MDFIC: variants seen among roughly 807,000 people sequenced by gnomAD.
MDFIC encodes myoD family inhibitor domain-containing protein.
MDFIC carries 17 observed loss-of-function variants against 23.2 expected under a neutral mutation model. The observed-to-expected ratio is 0.73, with a 90% CI of 0.50 to 1.10. MDFIC has a LOEUF of 1.10. MDFIC is among the 50% of genes least tolerant of loss of function. MDFIC has a pLI of 0.00. For missense variants in MDFIC, 356 were observed against 316.6 expected (o/e 1.12, Z -0.95); for synonymous variants, 120 against 115.2 (o/e 1.04, Z -0.27).
intron 4 of MDFIC, among the ~76,000 whole-genome samples, chr7:114,996,464 A>C (rs779406250): frequency 2.6e-5 from 4 of 152,204 alleles, no homozygotes; most frequent in Non-Finnish European, 4.4e-5. Context: ...GGTTTGGTTC[A>C]TGGAGGAAGG....
At chr7:114,941,365 C>G (rs1585095572) in intron 2 of MDFIC, among the ~76,000 whole-genome samples, 1 of 152,196 alleles carries the variant, frequency 6.6e-6, no homozygotes, top group Admixed American at 6.5e-5. Flanking sequence ...CAAACCTTCG[C>G]AGTCTTCTGT....
At position 115,016,129 on chromosome 7, in the gene MDFIC, T is replaced by TAAG. The variant is rs1791790343; in HGVS notation, c.*194_*195insAAG. ...TTTAATATGTGAAATTTTAACTACT[T>TAAG]TAACTAGTTTTATAAATTTCTTAAT... is the stretch of plus-strand genomic sequence containing the variant. On this transcript the variant is annotated 3_prime_UTR_variant, in exon 5 of 5. Coordinates refer to ENST00000393486, the MANE Select transcript of MDFIC (RefSeq NM_001166345.3). 1.8e-6 allele frequency: 1 copy of TAAG among 555,554 alleles called. No individual in the cohort carries two copies. Among genetic ancestry groups the TAAG allele is most frequent in the African/African-American group, 1.9e-5 (1 of 53,016 alleles). 34.4% of individuals were successfully genotyped at this position (555,554 alleles called of 1,614,324 possible).
chr7:114,969,550 T>C (rs1460984718), intron 3 of MDFIC, among the ~76,000 whole-genome samples: 2 of 152,190 alleles, frequency 1.3e-5, no homozygotes, highest in African/African-American at 4.8e-5. Flanking sequence ...TAAAATGTAT[T>C]CTATTAAAAA....
intron 4 of MDFIC, among the ~76,000 whole-genome samples, chr7:114,999,920 T>G (rs1043809710): frequency 6.6e-5 from 10 of 152,192 alleles, no homozygotes; most frequent in Non-Finnish European, 1.3e-4. Flanking sequence ...GTTGATGACA[T>G]TTTCATATAT....
At chr7:114,992,978 T>C (rs1791215080) in intron 4 of MDFIC, among the ~76,000 whole-genome samples, 1 of 152,186 alleles carries the variant, frequency 6.6e-6, no homozygotes, top group Admixed American at 6.5e-5. Flanking sequence ...ATCCGTCTGG[T>C]CCTGGACTTT....
In MDFIC at chr7:115,016,009, G is replaced by C. The variant is rs955308423; in HGVS notation, c.*74G>C. 3.5e-6 allele frequency: 5 copies of C among 1,422,408 alleles called. No individual in the cohort carries two copies. Among genetic ancestry groups the C allele is most frequent in the Non-Finnish European group, 4.8e-6 (5 of 1,046,158 alleles). The allele number at this position is 1,422,408 out of a possible 1,614,324, so 88.1% of individuals were successfully genotyped here. On this transcript the variant is annotated 3_prime_UTR_variant, in exon 5 of 5. Transcript: ENST00000393486. ...CTTTTGGGGGGAAGAAAAGCACATT[G>C]TAAGATTCTCATGAAACAACATGGA...
At chr7:114,923,579 C>G in intron 2 of MDFIC, 3 of 1,528,098 alleles carry the variant, frequency 2.0e-6, no homozygotes, top group Non-Finnish European at 2.6e-6. Flanking sequence ...GTTTCTGTGA[C>G]CAGTAGCTTT....
chr7:115,013,963 G>C (rs1791737984), intron 4 of MDFIC: 1 of 984,078 alleles, frequency 1.0e-6, no homozygotes, highest in African/African-American at 1.7e-5. Context: ...CTCTGTTTTT[G>C]TTTTTGTTTT....
At chr7:114,941,898 C>G (rs892969276) in intron 2 of MDFIC, among the ~76,000 whole-genome samples, 2 of 152,172 alleles carry the variant, frequency 1.3e-5, no homozygotes, top group African/African-American at 2.4e-5. Flanking sequence ...CTCATCAGAG[C>G]TTCTTCTCTT....
chr7:114,987,292 C>A (rs78799119), intron 4 of MDFIC, among the ~76,000 whole-genome samples: 1 of 152,022 alleles, frequency 6.6e-6, no homozygotes, highest in African/African-American at 2.4e-5. Context: ...ATTGTAAAAT[C>A]TTACATTAAT....
chr7:114,945,933 A>G (rs904385812), intron 3 of MDFIC, among the ~76,000 whole-genome samples: 2 of 152,222 alleles, frequency 1.3e-5, no homozygotes, highest in African/African-American at 2.4e-5. Flanking sequence ...TTTGGAATTT[A>G]TAAGAGCACC....
chr7:114,979,779 A>C lies in MDFIC; in HGVS notation c.491A>C (p.Glu164Ala). 1 of 1,612,920 alleles carries C rather than the reference A, an allele frequency of 6.2e-7. No individual in the cohort carries two copies. Reference sequence around the variant, plus strand: ...TCCCAAAAGACAGGCTCTTCACCTGAAGGTAAGTTTGAGATATATGTAGAT... The same window carrying C: ...TCCCAAAAGACAGGCTCTTCACCTGCAGGTAAGTTTGAGATATATGTAGAT... ...VFSQKTGSSP[E>A]DCCVHCILAC... The change falls in exon 4 of 5, where the codon GAA becomes GCA. Residue 164 changes from glutamate (E) to alanine (A), a missense_variant and splice_region_variant. Transcript: ENST00000393486.
intron 2 of MDFIC, among the ~76,000 whole-genome samples, chr7:114,925,312 T>G (rs1792168229): frequency 1.3e-5 from 2 of 152,166 alleles, no homozygotes; most frequent in African/African-American, 4.8e-5. Flanking sequence ...AAAGTAATTT[T>G]GGGGATTCTC....
chr7:115,017,527 A>G lies in MDFIC; in HGVS notation c.*1592A>G, dbSNP rs1791818219. ...TCTTTTCAATGCAGAAGAAATCTAG[A>G]TATCCCCTACTGTGACCAAATTTCT... On this transcript the variant is annotated 3_prime_UTR_variant, in exon 5 of 5. Coordinates refer to ENST00000393486, the MANE Select transcript of MDFIC (RefSeq NM_001166345.3). 6.6e-6 allele frequency: 1 copy of G among 152,330 alleles called. No homozygotes were observed. Among genetic ancestry groups the G allele is most frequent in the Non-Finnish European group, 1.5e-5 (1 of 67,900 alleles). 9.4% of individuals were successfully genotyped at this position (152,330 alleles called of 1,614,324 possible). A position where few individuals can be genotyped will look rare whatever the true frequency, so the allele number is the denominator to read the frequency against.
chr7:114,940,566 C>A (rs1792518872), intron 2 of MDFIC, among the ~76,000 whole-genome samples: 1 of 152,184 alleles, frequency 6.6e-6, no homozygotes, highest in South Asian at 2.1e-4. Flanking sequence ...TTCACTCTTT[C>A]AGTGAGCTCA....
chr7:114,926,590 A>G lies in MDFIC; in HGVS notation c.94+3463A>G, dbSNP rs1291230732. Among the ~76,000 whole-genome samples, 4 of 152,166 alleles carry G rather than the reference A, an allele frequency of 2.6e-5. No individual in the cohort carries two copies. The East Asian group carries it at 5.8e-4, about 22-fold the overall frequency. On this transcript the variant is annotated intron_variant, in intron 2 of 4. Transcript: ENST00000393486. ...ATATATTTTAATGTGATAATGTGTG[A>G]TTTAATGCACTCTTCTCTCTTGGGA... is the stretch of plus-strand genomic sequence containing the variant.
At chr7:114,925,833 C>T (rs1157587582) in intron 2 of MDFIC, among the ~76,000 whole-genome samples, 1 of 152,186 alleles carries the variant, frequency 6.6e-6, no homozygotes, top group Non-Finnish European at 1.5e-5. Flanking sequence ...CCAAACAAAA[C>T]AACCACAACT....
At chr7:114,955,591 G>C (rs1241315495) in intron 3 of MDFIC, among the ~76,000 whole-genome samples, 1 of 152,160 alleles carries the variant, frequency 6.6e-6, no homozygotes, top group African/African-American at 2.4e-5. Context: ...CCTCAGCCCA[G>C]GGCCATGCAC....
At chr7:115,007,733 G>A (rs922282351) in intron 4 of MDFIC, among the ~76,000 whole-genome samples, 1 of 149,038 alleles carries the variant, frequency 6.7e-6, no homozygotes, top group South Asian at 2.1e-4. Flanking sequence ...GAGTGCAGTG[G>A]CATGATTATG....
Sources: gnomAD v4.1 joint callset for allele counts (sites outside exome capture counted in the v4.1 genomes callset) on GRCh38, gnomAD v4.1.1 for gene constraint, MANE v1.5 for transcripts, NCBI Gene and HGNC (gene_info 2026-07-23, HGNC 2026-07-21) for gene names.